The following MIS18A variants were observed in gnomAD, a reference collection of about 807,000 sequenced individuals.
MIS18A encodes protein Mis18-alpha.
MIS18A carries 14 observed loss-of-function variants against 25.0 expected under a neutral mutation model. The ratio of observed to expected loss-of-function variants is 0.56; its 90% CI spans 0.37 to 0.88. The LOEUF is 0.88. Among genes scored for constraint, MIS18A ranks in the 40% least tolerant of loss-of-function variants. The pLI, the probability that MIS18A is intolerant of heterozygous loss-of-function variation, is 0.00. For synonymous variants in MIS18A, 134 were observed against 118.6 expected (o/e 1.13, Z -0.84); for missense variants, 292 against 290.8 (o/e 1.00, Z -0.03).
intron 1 of MIS18A, 135 bp from the exon 2 acceptor site, chr21:32,275,031 G>A (rs536259568): frequency 1.3e-5 from 9 of 679,774 alleles, no homozygotes; most frequent in African/African-American, 3.6e-5. Flanking sequence ...ACAAAAGAGC[G>A]GTTTAAAACT....
chr21:32,252,846 C>T, the MIS18A span, among the ~76,000 whole-genome samples: 1 of 152,098 alleles, frequency 6.6e-6, no homozygotes, highest in Non-Finnish European at 1.5e-5. Flanking sequence ...TTTAGGGATC[C>T]CAGAGAATGA....
the MIS18A span, among the ~76,000 whole-genome samples, chr21:32,173,487 T>A: frequency 6.6e-6 from 1 of 152,174 alleles, no homozygotes; most frequent in South Asian, 2.1e-4. Flanking sequence ...CACAAAAACT[T>A]GTATTTGAAT....
chr21:32,231,910 TCAAAACAAAA>T, the MIS18A span, among the ~76,000 whole-genome samples: 1 of 152,030 alleles, frequency 6.6e-6, no homozygotes, highest in Non-Finnish European at 1.5e-5. Flanking sequence ...AGACTCCGTC[TCAAAACAAAA>T]CAAAACAAAA....
the MIS18A span, among the ~76,000 whole-genome samples, chr21:32,207,860 C>T: frequency 6.6e-6 from 1 of 152,202 alleles, no homozygotes; most frequent in African/African-American, 2.4e-5. Flanking sequence ...GGCCCGGGGT[C>T]TACTTCATGG....
At chr21:32,193,689 C>T in the MIS18A span, among the ~76,000 whole-genome samples, 1 of 151,942 alleles carries the variant, frequency 6.6e-6, no homozygotes, top group Admixed American at 6.6e-5. Context: ...AAGAGGTCCA[C>T]TACTGTCAAC....
the MIS18A span, among the ~76,000 whole-genome samples, chr21:32,256,129 T>C: frequency 6.6e-6 from 1 of 152,176 alleles, no homozygotes; most frequent in Non-Finnish European, 1.5e-5. Flanking sequence ...GTCTACTATG[T>C]TGGGATTGTT....
At chr21:32,188,689 G>A in the MIS18A span, among the ~76,000 whole-genome samples, 2 of 152,282 alleles carry the variant, frequency 1.3e-5, no homozygotes, top group Admixed American at 6.5e-5. Flanking sequence ...AGAAATACAT[G>A]CAGATAACTA....
intron 2 of MIS18A, 101 bp from the exon 3 acceptor site, chr21:32,270,630 G>A: frequency 7.6e-7 from 1 of 1,315,852 alleles, no homozygotes; most frequent in South Asian, 1.8e-5. Context: ...TCTCAAGTAT[G>A]CTATTCTGAC....
the MIS18A span, among the ~76,000 whole-genome samples, chr21:32,212,345 T>C: frequency 7.4e-3 from 1,131 of 152,298 alleles, 9 homozygotes; most frequent in Non-Finnish European, 0.013. Context: ...CAGGAACCTG[T>C]AGCAGCTCAC....
chr21:32,187,859 T>C, the MIS18A span, among the ~76,000 whole-genome samples: 8 of 152,156 alleles, frequency 5.3e-5, no homozygotes, highest in Non-Finnish European at 1.0e-4. Flanking sequence ...AAAATTCGTA[T>C]GTGAAATTCC....
chr21:32,174,557 T>C, the MIS18A span, among the ~76,000 whole-genome samples: 3 of 152,116 alleles, frequency 2.0e-5, no homozygotes, highest in Non-Finnish European at 4.4e-5. Flanking sequence ...AATGAATAAG[T>C]GGTCAATTTC....
the MIS18A span, among the ~76,000 whole-genome samples, chr21:32,192,280 C>T: frequency 6.6e-6 from 1 of 152,340 alleles, no homozygotes; most frequent in East Asian, 1.9e-4. Context: ...GGGACCCTCA[C>T]ACCAGGCCCT....
At chr21:32,202,526 G>A in the MIS18A span, among the ~76,000 whole-genome samples, 10,360 of 152,138 alleles carry the variant, frequency 0.068, 532 homozygotes, top group South Asian at 0.16. Flanking sequence ...GTGTTCGAGG[G>A]TATCAAGTAC....
At chr21:32,222,702 C>T in the MIS18A span, among the ~76,000 whole-genome samples, 13,787 of 151,992 alleles carry the variant, frequency 0.091, 735 homozygotes, top group South Asian at 0.18. Flanking sequence ...GAGGCCAAGG[C>T]GGGCGGGTCA....
chr21:32,227,973 TTGATAAAATCAACATCCTTTCA>T, the MIS18A span, among the ~76,000 whole-genome samples: 5 of 152,186 alleles, frequency 3.3e-5, no homozygotes, highest in Admixed American at 6.5e-5. Flanking sequence ...TGGAAAGCAT[TTGATAAAATCAACATCCTTTCA>T]TGATAAAAAC....
the MIS18A span, among the ~76,000 whole-genome samples, chr21:32,241,378 A>AC: frequency 6.6e-6 from 1 of 151,714 alleles, no homozygotes; most frequent in South Asian, 2.1e-4. Context: ...TAAAAAAAAA[A>AC]AAAAAAAACT....
rs145094354 is a variant in MIS18A at position 32,270,043 on chromosome 21, C to T, written c.525-240G>A. ...AAGCTATGACCACAGCACTGCACTC[C>T]AGCCTGGGCGACAGAGTGAGACCCC... On this transcript the variant is annotated intron_variant, in intron 3 of 4. Transcript: ENST00000290130. Among the ~76,000 whole-genome samples, 540 of 152,186 alleles carry T rather than the reference C, an allele frequency of 3.5e-3. 4 individuals are homozygous for T. The highest frequency in any genetic ancestry group is 0.012 in the African/African-American group (513 of 41,512).
chr21:32,270,330 G>T, intron 3 of MIS18A, 77 bp downstream of exon 3: 1 of 1,503,962 alleles, frequency 6.6e-7, no homozygotes, highest in Non-Finnish European at 9.1e-7. Flanking sequence ...AAACAGTATT[G>T]ATTTAGTTCT....
At chr21:32,235,333 G>A in the MIS18A span, among the ~76,000 whole-genome samples, 1 of 152,184 alleles carries the variant, frequency 6.6e-6, no homozygotes, top group Non-Finnish European at 1.5e-5. Context: ...TGTGATTTAT[G>A]CTCTACAGGC....
Sources: allele counts gnomAD v4.1 joint callset (sites outside exome capture counted in the v4.1 genomes callset), GRCh38; gene constraint gnomAD v4.1.1; transcripts MANE v1.5; gene names NCBI Gene and HGNC (gene_info 2026-07-23, HGNC 2026-07-21).